PGPEP1: variants seen among roughly 807,000 people sequenced by gnomAD.
PGPEP1 encodes pyroglutamyl-peptidase I, also known as pyroglutamyl-peptidase 1.
A neutral mutation model predicts 24.1 loss-of-function variants in PGPEP1; 15 were observed. The observed-to-expected ratio is 0.62, with a 90% confidence interval of 0.42 to 0.96. PGPEP1 has a LOEUF of 0.96. PGPEP1 is among the 40% of genes least tolerant of loss of function. The probability of loss-of-function intolerance (pLI) is 0.00; values close to 1 mark genes in which losing one functional copy is unlikely to be tolerated. For synonymous variants in PGPEP1, 122 were observed against 116.4 expected, an observed-to-expected ratio of 1.05 and a Z score of -0.31; for missense variants, 242 against 273.4, an observed-to-expected ratio of 0.89 and a Z score of 0.81.
At chr19:18,352,538 G>A (rs1484128617) in intron 2 of PGPEP1, among the ~76,000 whole-genome samples, 1 of 151,792 alleles carries the variant, frequency 6.6e-6, no homozygotes, top group East Asian at 1.9e-4. Context: ...CGGATGGTGG[G>A]GCCTTTGAAA....
chr19:18,353,480 G>C (rs965730949), intron 2 of PGPEP1, among the ~76,000 whole-genome samples: 1 of 151,528 alleles, frequency 6.6e-6, no homozygotes, highest in Non-Finnish European at 1.5e-5. Context: ...AAAGCACTGG[G>C]ATTACAGGCA....
chr19:18,363,597 C>T lies in PGPEP1; in HGVS notation c.*14C>T, dbSNP rs1227378968. 6.3e-6 allele frequency: 10 copies of T among 1,596,130 alleles called. No individual in the cohort carries two copies. In the South Asian group the frequency reaches 1.1e-4, roughly 18 times the overall value. ...CACAAACACTGAGGGACGCTCAGGT[C>T]TCCTAAGACCTCATCCTGCTGGGGA... On this transcript the variant is annotated 3_prime_UTR_variant, in exon 5 of 5. Coordinates refer to ENST00000269919, the MANE Select transcript of PGPEP1 (RefSeq NM_017712.4).
rs769318548 is a variant in PGPEP1 at position 18,355,933 on chromosome 19, G to A, written c.126G>A (p.Leu42=). 17 of 1,613,384 alleles carry A rather than the reference G, an allele frequency of 1.1e-5. No homozygotes were observed. ...TAGGCCTTGGCGACAGCGTGGACCTGCATGTGTACGAGATTCCGGTTGAGT... is the reference window on the plus strand; with the variant it reads ...TAGGCCTTGGCGACAGCGTGGACCTACATGTGTACGAGATTCCGGTTGAGT... ...EKLGLGDSVD[L]HVYEIPVEYQ... The change falls in exon 3 of 5, where the codon CTG becomes CTA. Residue 42 remains leucine (L), a synonymous_variant. Transcript: ENST00000269919.
At chr19:18,358,780 A>G (rs962700104) in intron 4 of PGPEP1, among the ~76,000 whole-genome samples, 4 of 150,184 alleles carry the variant, frequency 2.7e-5, no homozygotes, top group African/African-American at 9.8e-5. Context: ...AGACCCAGCA[A>G]ATTTTTTGTA....
chr19:18,360,567 C>T (rs1971316525), intron 4 of PGPEP1, among the ~76,000 whole-genome samples: 1 of 151,688 alleles, frequency 6.6e-6, no homozygotes, highest in Admixed American at 6.6e-5. Context: ...AGGCTGGAGC[C>T]AGGCTGCAGT....
intron 4 of PGPEP1, among the ~76,000 whole-genome samples, chr19:18,358,622 C>CT (rs1231155213): frequency 1.7e-4 from 24 of 140,022 alleles, no homozygotes; most frequent in Non-Finnish European, 2.8e-4. Context: ...AGGTGACATT[C>CT]TTTTTTTTTT....
At chr19:18,352,905 A>C (rs971943477) in intron 2 of PGPEP1, among the ~76,000 whole-genome samples, 2 of 148,432 alleles carry the variant, frequency 1.3e-5, no homozygotes, top group African/African-American at 5.1e-5. Flanking sequence ...AGTTACTTGG[A>C]AACAGGTTGA....
At chr19:18,348,362 G>T (rs888004540) in intron 2 of PGPEP1, among the ~76,000 whole-genome samples, 1 of 152,202 alleles carries the variant, frequency 6.6e-6, no homozygotes, top group Non-Finnish European at 1.5e-5. Context: ...AACAAAGAGG[G>T]TCTTTGTCGT....
At chr19:18,362,961 C>T (rs1002233183) in intron 4 of PGPEP1, among the ~76,000 whole-genome samples, 4 of 152,020 alleles carry the variant, frequency 2.6e-5, no homozygotes, top group Admixed American at 2.0e-4. Context: ...CGTGCCTTCC[C>T]ACCAGCAATA....
At chr19:18,346,065 C>G (rs763273877) in intron 2 of PGPEP1, among the ~76,000 whole-genome samples, 1 of 151,980 alleles carries the variant, frequency 6.6e-6, no homozygotes, top group African/African-American at 2.4e-5. Flanking sequence ...GGTTCTTCCT[C>G]GCATTCTTCA....
At chr19:18,357,870 C>T in intron 4 of PGPEP1, 1 of 517,368 alleles carries the variant, frequency 1.9e-6, no homozygotes, top group South Asian at 2.2e-5. Context: ...ACTGCCCCAG[C>T]CTCCATCTCA....
intron 2 of PGPEP1, among the ~76,000 whole-genome samples, chr19:18,348,215 C>T (rs1253021948): frequency 6.6e-6 from 1 of 152,084 alleles, no homozygotes; most frequent in South Asian, 2.1e-4. Context: ...GGCTGGGGAG[C>T]TCCGGGGCTC....
chr19:18,360,553 G>A (rs925870550), intron 4 of PGPEP1, among the ~76,000 whole-genome samples: 12 of 151,524 alleles, frequency 7.9e-5, no homozygotes, highest in Admixed American at 2.6e-4. Flanking sequence ...TTGCTCTGTC[G>A]CCCAGGCTGG....
rs1971416658 is a variant in PGPEP1, at chr19:18,363,506, CTG to C, written c.554_555del (p.Leu185GlnfsTer5). 1 of 1,614,066 alleles carries C rather than the reference CTG, an allele frequency of 6.2e-7. No homozygotes were observed. The highest frequency in any genetic ancestry group is 8.5e-7 in the Non-Finnish European group (1 of 1,180,024). ...CAACGCGGACCAGCTGGGCAGGGCA[CTG>C]AGAGCCATCATTGAGGAGATGTTGG... ...PYNADQLGRA[L>X]RAIIEEMLDL... On this transcript the variant is annotated frameshift_variant, in exon 5 of 5. Coordinates refer to ENST00000269919, the MANE Select transcript of PGPEP1 (RefSeq NM_017712.4). LOFTEE classifies it high-confidence loss of function.
Position 18,357,862 on chromosome 19 carries a change from T to C in PGPEP1, c.437+247T>C, listed in dbSNP as rs1483349823. On this transcript the variant is annotated intron_variant, in intron 4 of 4. Coordinates refer to ENST00000269919, the MANE Select transcript of PGPEP1 (RefSeq NM_017712.4). ...CCCCCAGCATCTCCCACCTGGACAC[T>C]GCCCCAGCCTCCATCTCAGTCTTCC... The C allele has an allele frequency of 9.1e-5, 48 of 527,258 alleles. 3 individuals are homozygous for C. In the South Asian group the frequency reaches 1.0e-3, roughly 11 times the overall value. The allele number at this position is 527,258 out of a possible 1,614,324, so 32.7% of individuals were successfully genotyped here.
Position 18,342,899 on chromosome 19 carries a change from G to T in PGPEP1, c.75G>T (p.Trp25Cys). 6.2e-7 allele frequency: 1 copy of T among 1,613,668 alleles called. No homozygotes were observed. Among genetic ancestry groups the T allele is most frequent in the South Asian group, 1.1e-5 (1 of 91,082 alleles). ...GGGAACACACCGTGAACGCCAGTTG[G>T]ATTGCAGTTCAGGTAACTTAGATCC... is the stretch of plus-strand genomic sequence containing the variant. ...PFGEHTVNAS[W>C]IAVQELEKLG... The change falls in exon 2 of 5, where the codon TGG becomes TGT. Residue 25 changes from tryptophan to cysteine, a missense_variant. By Grantham distance (215) the Trp-to-Cys change is radical. Coordinates refer to ENST00000269919, the MANE Select transcript of PGPEP1 (RefSeq NM_017712.4).
intron 2 of PGPEP1, among the ~76,000 whole-genome samples, chr19:18,353,810 G>A (rs1434141721): frequency 2.6e-5 from 4 of 152,142 alleles, no homozygotes; most frequent in African/African-American, 9.7e-5. Context: ...ATTGTACCAC[G>A]GATCAGTGCT....
intron 3 of PGPEP1, among the ~76,000 whole-genome samples, chr19:18,356,802 G>A (rs1434452766): frequency 6.6e-6 from 1 of 151,758 alleles, no homozygotes; most frequent in African/African-American, 2.4e-5. Context: ...ACTTTGGGAT[G>A]CTGAGGCGGG....
chr19:18,363,033 T>TGTGTGTGTGTGTGTGTG (rs1971390850), intron 4 of PGPEP1, among the ~76,000 whole-genome samples: 2 of 136,686 alleles, frequency 1.5e-5, no homozygotes, highest in African/African-American at 5.5e-5. Flanking sequence ...TTTTTTTTGT[T>TGTGTGTGTGTGTGTGTG]TGTGTGTGTG....
Sources: gnomAD v4.1 joint callset for allele counts (sites outside exome capture counted in the v4.1 genomes callset) on GRCh38, gnomAD v4.1.1 for gene constraint, MANE v1.5 for transcripts, NCBI Gene and HGNC (gene_info 2026-07-23, HGNC 2026-07-21) for gene names.